ACTR3C: variants seen among roughly 807,000 people sequenced by gnomAD.
ACTR3C encodes the protein actin-related protein 3C.
A neutral mutation model predicts 26.3 loss-of-function variants in ACTR3C; 18 were observed. That is an observed-to-expected ratio of 0.68 (90% CI 0.47 to 1.01). The LOEUF (loss-of-function observed/expected upper bound fraction) is 1.01, where lower values mean the gene tolerates loss of function less well. Among genes scored for constraint, ACTR3C ranks in the 50% least tolerant of loss-of-function variants. The pLI is 0.00. For synonymous variants in ACTR3C, 55 were observed against 94.5 expected (o/e 0.58, Z 2.42); for missense variants, 184 against 250.7 (o/e 0.73, Z 1.80).
At chr7:150,164,486 C>T in the ACTR3C span, among the ~76,000 whole-genome samples, 2 of 147,542 alleles carry the variant, frequency 1.4e-5, no homozygotes, top group African/African-American at 2.4e-5. Flanking sequence ...CAATGAGTGA[C>T]ACAAGTTTCA....
At chr7:150,194,549 A>G in the ACTR3C span, among the ~76,000 whole-genome samples, 1 of 151,726 alleles carries the variant, frequency 6.6e-6, no homozygotes, top group African/African-American at 2.4e-5. Flanking sequence ...GTATGTATAA[A>G]CCATTCACAC....
chr7:149,962,685 C>T, the ACTR3C span, among the ~76,000 whole-genome samples: 14 of 152,232 alleles, frequency 9.2e-5, no homozygotes, highest in African/African-American at 3.4e-4. Flanking sequence ...CGGAGACTTC[C>T]AGCACTAAAA....
rs1834675464 is a variant in ACTR3C at position 150,274,242 on chromosome 7, T to C, written c.564+10511A>G. ...TTATTGCACTTCGCCCATAATGTGTTTGTTACCAACTGAAGGTTTGAGGAA... is the reference window on the plus strand; with the variant it reads ...TTATTGCACTTCGCCCATAATGTGTCTGTTACCAACTGAAGGTTTGAGGAA... On this transcript the variant is annotated intron_variant, in intron 6 of 7. Transcript: ENST00000683684. The surrounding 1 kb of genome is among the most constrained non-coding windows in gnomAD (Gnocchi z 4.1). Among the ~76,000 whole-genome samples the C allele has an allele frequency of 6.6e-6, 1 of 152,138 alleles. No individual in the cohort carries two copies. The highest frequency in any genetic ancestry group is 2.4e-5 in the African/African-American group (1 of 41,420).
chr7:150,180,155 A>C, the ACTR3C span, among the ~76,000 whole-genome samples: 3 of 137,982 alleles, frequency 2.2e-5, no homozygotes, highest in African/African-American at 8.2e-5. Flanking sequence ...AATACAAAAA[A>C]TTAGCCGGGC....
chr7:149,987,123 T>C, the ACTR3C span, among the ~76,000 whole-genome samples: 2 of 145,832 alleles, frequency 1.4e-5, no homozygotes, highest in East Asian at 2.0e-4. Flanking sequence ...GGGTAATCAA[T>C]GGACTATTAT....
the ACTR3C span, among the ~76,000 whole-genome samples, chr7:150,237,411 C>T: frequency 8.2e-3 from 1,241 of 152,192 alleles, 18 homozygotes; most frequent in African/African-American, 0.029. Flanking sequence ...GAGAACTCAC[C>T]AGTGGGACTT....
At chr7:150,164,342 G>A in the ACTR3C span, among the ~76,000 whole-genome samples, 4 of 152,136 alleles carry the variant, frequency 2.6e-5, no homozygotes, top group Non-Finnish European at 2.9e-5. Flanking sequence ...TGTTTCAGCC[G>A]GACAAGACCA....
the ACTR3C span, among the ~76,000 whole-genome samples, chr7:150,040,058 G>A: frequency 5.8e-5 from 8 of 138,236 alleles, 1 homozygote; most frequent in East Asian, 2.0e-4. Flanking sequence ...CTCGCGGGGG[G>A]TGCCTCCCCC....
the ACTR3C span, among the ~76,000 whole-genome samples, chr7:150,124,701 C>G: frequency 6.6e-6 from 1 of 152,136 alleles, no homozygotes; most frequent in Non-Finnish European, 1.5e-5. Context: ...AGTTCACCCT[C>G]CCCTTCACCC....
At chr7:150,051,355 T>A in the ACTR3C span, among the ~76,000 whole-genome samples, 1 of 142,916 alleles carries the variant, frequency 7.0e-6, no homozygotes, top group Non-Finnish European at 1.5e-5. Context: ...TTGTCTCTAA[T>A]CACCTTTCAC....
the ACTR3C span, among the ~76,000 whole-genome samples, chr7:150,071,094 C>T: frequency 6.2e-5 from 9 of 145,944 alleles, no homozygotes; most frequent in South Asian, 2.2e-4. Flanking sequence ...ATGCCCAGCA[C>T]AAAATTGCTA....
the ACTR3C span, among the ~76,000 whole-genome samples, chr7:150,163,456 T>G: frequency 6.6e-6 from 1 of 151,488 alleles, no homozygotes; most frequent in African/African-American, 2.4e-5. Context: ...ACTTATCTGT[T>G]TGTGTATATA....
At chr7:149,943,099 C>T in the ACTR3C span, among the ~76,000 whole-genome samples, 1 of 151,902 alleles carries the variant, frequency 6.6e-6, no homozygotes, top group Non-Finnish European at 1.5e-5. Flanking sequence ...CAAACTATGG[C>T]CCCGGGGCCT....
intron 1 of ACTR3C, among the ~76,000 whole-genome samples, chr7:150,316,811 T>C (rs1166008212): frequency 6.6e-6 from 1 of 152,144 alleles, no homozygotes; most frequent in Non-Finnish European, 1.5e-5. Context: ...AAGTTCCTCT[T>C]GGAATTTTTC....
At chr7:150,056,747 C>T in the ACTR3C span, among the ~76,000 whole-genome samples, 4 of 146,430 alleles carry the variant, frequency 2.7e-5, no homozygotes, top group Non-Finnish European at 4.5e-5. Context: ...TCCTCTGCAG[C>T]GCACCCATAA....
At chr7:150,058,589 A>G in the ACTR3C span, among the ~76,000 whole-genome samples, 4 of 152,100 alleles carry the variant, frequency 2.6e-5, no homozygotes, top group African/African-American at 9.7e-5. Context: ...TTGTGTGAGG[A>G]TTTGATGCTC....
the ACTR3C span, among the ~76,000 whole-genome samples, chr7:150,034,777 G>A: frequency 1.2e-4 from 18 of 148,392 alleles, no homozygotes; most frequent in South Asian, 3.4e-3. Context: ...CCTAAGCCAG[G>A]GGGGGAAGAG....
chr7:150,040,159 C>A, the ACTR3C span, among the ~76,000 whole-genome samples: 3 of 148,214 alleles, frequency 2.0e-5, 1 homozygote, highest in African/African-American at 7.6e-5. Context: ...AGGTTTTACC[C>A]AAGAATCAGC....
chr7:150,126,955 G>C, the ACTR3C span, among the ~76,000 whole-genome samples: 3 of 152,272 alleles, frequency 2.0e-5, no homozygotes, highest in Non-Finnish European at 1.5e-5. Context: ...AAGAGTTACA[G>C]CTTCTACACT....
Sources: gnomAD v4.1 joint callset for allele counts (sites outside exome capture counted in the v4.1 genomes callset) on GRCh38, gnomAD v4.1.1 for gene constraint, Gnocchi (gnomAD v3.1) non-coding constraint, MANE v1.5 for transcripts, NCBI Gene and HGNC (gene_info 2026-07-23, HGNC 2026-07-21) for gene names.